The following F5 variants were observed in gnomAD, a reference collection of about 807,000 sequenced individuals.
The protein encoded by F5 is coagulation factor V.
Under a neutral mutation model 216.4 loss-of-function variants are expected in F5, and 138 were observed. The observed-to-expected ratio is 0.64, with a 90% CI of 0.56 to 0.73. F5 has a LOEUF of 0.73. Among genes scored for constraint, F5 ranks in the 30% least tolerant of loss-of-function variants. F5 has a pLI of 0.00. For missense variants in F5, 2,403 were observed against 2,674.0 expected (o/e 0.90, Z 2.24); for synonymous variants, 916 against 930.7 (o/e 0.98, Z 0.29).
At chr1:169,583,528 T>G (rs1238277941) in intron 1 of F5, among the ~76,000 whole-genome samples, 3 of 152,222 alleles carry the variant, frequency 2.0e-5, no homozygotes, top group Admixed American at 6.5e-5. Flanking sequence ...CATTTGTGCC[T>G]CAGTTTCTAC....
At chr1:169,519,999 G>T (rs1659256599) in intron 22 of F5, among the ~76,000 whole-genome samples, 1 of 152,120 alleles carries the variant, frequency 6.6e-6, no homozygotes, top group Admixed American at 6.6e-5. Flanking sequence ...CTGAGAAATA[G>T]CAGCTAACAT....
chr1:169,585,098 T>C (rs894927487), intron 1 of F5, among the ~76,000 whole-genome samples: 1 of 152,248 alleles, frequency 6.6e-6, no homozygotes. Flanking sequence ...GTTATTTTCC[T>C]TGGGGTTTTA....
chr1:169,536,453 C>T, intron 14 of F5, 53 bp downstream of exon 14: 2 of 1,499,046 alleles, frequency 1.3e-6, no homozygotes, highest in Middle Eastern at 1.7e-4. Context: ...TTACAACCCT[C>T]TGGTGCTTGT....
chr1:169,516,440 A>G (rs1659156387), intron 23 of F5, among the ~76,000 whole-genome samples: 1 of 152,224 alleles, frequency 6.6e-6, no homozygotes, highest in Admixed American at 6.5e-5. Flanking sequence ...ATGTTTCTTC[A>G]ACATCACCCA....
In F5 at chr1:169,541,100, A is replaced by C; in HGVS notation, c.3990T>G (p.Leu1330=). The change falls in exon 13 of 25, where the codon CTT becomes CTG. Residue 1330 remains leucine (L), a synonymous_variant. Coordinates refer to ENST00000367797, the MANE Select transcript of F5 (RefSeq NM_000130.5). The stretch of plus-strand genomic sequence containing the variant: ...GGTTTGTCTGGCTGAAGTCTAGAGA[A>C]AGGGTTGTATGGCTGAGGTCTGGAG... ...PISPDLSHTT[L]SLDFSQTNLS... The C allele has an allele frequency of 6.3e-7, 1 of 1,578,422 alleles. No homozygotes were observed. The highest frequency in any genetic ancestry group is 1.8e-5 in the Admixed American group (1 of 56,592).
intron 14 of F5, among the ~76,000 whole-genome samples, chr1:169,534,645 G>A (rs1333291236): frequency 1.3e-5 from 2 of 151,176 alleles, no homozygotes; most frequent in East Asian, 1.9e-4. Context: ...TCCAGCCTGG[G>A]CGACAGAGTG....
intron 10 of F5, 114 bp from the exon 11 acceptor site, chr1:169,546,706 A>C: frequency 1.1e-6 from 1 of 930,416 alleles, no homozygotes; most frequent in Non-Finnish European, 1.7e-6. Context: ...TCTGTGACAA[A>C]AGCAAGCAAT....
At chr1:169,559,099 G>T (rs1454868236) in intron 5 of F5, 54 bp downstream of exon 5, 3 of 1,608,044 alleles carry the variant, frequency 1.9e-6, no homozygotes, top group Non-Finnish European at 1.7e-6. Context: ...AAACAGGACC[G>T]AAAAATTACT....
intron 3 of F5, among the ~76,000 whole-genome samples, chr1:169,568,492 A>G (rs2101837782): frequency 6.6e-6 from 1 of 152,172 alleles, no homozygotes; most frequent in East Asian, 1.9e-4. Flanking sequence ...AAGAGGAAGC[A>G]TTTGTGAGAT....
intron 1 of F5, among the ~76,000 whole-genome samples, chr1:169,583,171 G>T (rs1425547598): frequency 3.3e-5 from 5 of 152,234 alleles, no homozygotes; most frequent in Admixed American, 2.6e-4. Context: ...AACAGGGAGA[G>T]TTGTGAGTGG....
rs1660285288 is a variant in F5 at position 169,555,213 on chromosome 1, A to G, written c.1087T>C (p.Tyr363His). 3 of 1,614,130 alleles carry G rather than the reference A, an allele frequency of 1.9e-6. No individual in the cohort carries two copies. Among genetic ancestry groups the G allele is most frequent in the Non-Finnish European group, 2.5e-6 (3 of 1,179,984 alleles). The change falls in exon 7 of 25, where the codon TAT (tyrosine) becomes CAT (histidine). Residue 363 changes from tyrosine (Y) to histidine (H), a missense_variant. By Grantham distance (83) the Tyr-to-His change is moderately conservative. Around this residue, in one of 4 missense-constraint regions of F5, gnomAD observed 1,425 missense variants for 1,554.8 expected, o/e 0.92. Transcript: ENST00000367797. ...ATATTCGCTGGTATTACAGGTGCAT[A>G]GTCCCAAATGACTTCCTCTGCAGCA... ...FIAAEEVIWD[Y>H]APVIPANMDK...
intron 2 of F5, among the ~76,000 whole-genome samples, chr1:169,578,723 T>C (rs1435335682): frequency 6.6e-6 from 1 of 152,206 alleles, no homozygotes; most frequent in Non-Finnish European, 1.5e-5. Context: ...GAATAGACTC[T>C]GTGATATAGG....
chr1:169,520,869 C>T (rs932655837), intron 21 of F5, among the ~76,000 whole-genome samples: 4 of 151,972 alleles, frequency 2.6e-5, no homozygotes, highest in Non-Finnish European at 5.9e-5. Flanking sequence ...CTGCTAAGTA[C>T]AACTAAAAAC....
chr1:169,524,797 G>C (rs1041986943), intron 19 of F5, 40 bp downstream of exon 19: 1 of 1,516,968 alleles, frequency 6.6e-7, no homozygotes, highest in Non-Finnish European at 9.2e-7. Context: ...CTGCACAACT[G>C]TAGGGGGTAC....
intron 16 of F5, among the ~76,000 whole-genome samples, chr1:169,528,602 T>C (rs1483316300): frequency 6.6e-6 from 1 of 152,154 alleles, no homozygotes; most frequent in Non-Finnish European, 1.5e-5. Context: ...CCAGCAACCA[T>C]AGCAAGTCAT....
intron 14 of F5, 32 bp downstream of exon 14, chr1:169,536,474 C>T: frequency 6.2e-7 from 1 of 1,600,662 alleles, no homozygotes; most frequent in Non-Finnish European, 8.6e-7. Context: ...GGAAATTCCT[C>T]CGAAGATCTT....
At chr1:169,557,466 C>T (rs925493154) in intron 5 of F5, among the ~76,000 whole-genome samples, 3 of 152,082 alleles carry the variant, frequency 2.0e-5, no homozygotes, top group Admixed American at 6.5e-5. Context: ...GACAAGTCAA[C>T]GAAATCACTT....
In F5 at chr1:169,524,934, T is replaced by A. The variant is rs774359027; in HGVS notation, c.5717-26A>T. ...CTATGAAAAACAGAAAAAAAATGAA[T>A]AATTTTTGCTTAGAAAATATATACA... On this transcript the variant is annotated intron_variant, in intron 18 of 24. Coordinates refer to ENST00000367797, the MANE Select transcript of F5 (RefSeq NM_000130.5). The A allele has an allele frequency of 1.1e-5, 18 of 1,572,346 alleles. No homozygotes were observed. In the Admixed American group the frequency reaches 3.0e-4, roughly 26 times the overall value.
rs1659875223 is a variant in F5 at position 169,542,247 on chromosome 1, T to C, written c.2843A>G (p.His948Arg). ...ATAGCTACCTTTCTCAGAAGCCAAA[T>C]GCCATCTCCCAACCAAAATCTTAGA... The part of the protein sequence containing the change: ...NSSKILVGRW[H>R]LASEKGSYEI... Residue 948 changes from histidine (H) to arginine (R), a missense_variant, in exon 13 of 25, where the codon CAT becomes CGT. This residue lies in a region of F5 where 1,425 missense variants were observed against 1,554.8 expected (regional missense o/e 0.92). Coordinates refer to ENST00000367797, the MANE Select transcript of F5 (RefSeq NM_000130.5). 1 of 1,614,004 alleles carries C rather than the reference T, an allele frequency of 6.2e-7. No individual in the cohort carries two copies. The highest frequency in any genetic ancestry group is 1.7e-5 in the Admixed American group (1 of 59,992).
Sources: allele counts gnomAD v4.1 joint callset (sites outside exome capture counted in the v4.1 genomes callset), GRCh38; gene constraint gnomAD v4.1.1; regional missense constraint gnomAD v4.1.1; transcripts MANE v1.5; gene names NCBI Gene and HGNC (gene_info 2026-07-23, HGNC 2026-07-21).